NRP2: variants seen among roughly 807,000 people sequenced by gnomAD.
The protein encoded by NRP2 is neuropilin-2.
A neutral mutation model predicts 110.4 loss-of-function variants in NRP2; 52 were observed. That is an observed-to-expected ratio of 0.47 (90% CI 0.38 to 0.59). The LOEUF is 0.59. NRP2 is among the 20% of genes least tolerant of loss of function. The pLI is 0.00. For synonymous variants in NRP2, 508 were observed against 468.9 expected (o/e 1.08, Z -1.08); for missense variants, 1,049 against 1,203.0 (o/e 0.87, Z 1.89).
intron 10 of NRP2, among the ~76,000 whole-genome samples, chr2:205,749,425 T>C (rs2057600438): frequency 6.6e-6 from 1 of 152,222 alleles, no homozygotes; most frequent in Non-Finnish European, 1.5e-5. Flanking sequence ...GCGTCGCCTG[T>C]AGCCCCCTCC....
Position 205,763,933 on chromosome 2 carries a change from C to T in NRP2, c.2304C>T (p.Tyr768=), listed in dbSNP as rs748031757. Residue 768 remains tyrosine (Y), a synonymous_variant, in exon 13 of 17, where the codon TAC becomes TAT. Coordinates refer to ENST00000357785, the MANE Select transcript of NRP2 (RefSeq NM_003872.3). The surrounding 1 kb of genome is among the most constrained non-coding windows in gnomAD (Gnocchi z 4.0). ...RIILPSYDME[Y]QIVFEGVIGK... ...TCCTGCCCAGCTACGACATGGAGTA[C>T]CAGGTGGGGTGAGCAAAAAGGGAAT... 2.5e-6 allele frequency: 4 copies of T among 1,613,994 alleles called. No individual in the cohort carries two copies. The South Asian group carries it at 3.3e-5, about 13-fold the overall frequency.
At chr2:205,700,660 T>A in intron 2 of NRP2, 1 of 517,026 alleles carries the variant, frequency 1.9e-6, no homozygotes, top group Non-Finnish European at 3.9e-6. Flanking sequence ...AAACCCCAGA[T>A]AGACCTTTTC....
At chr2:205,777,875 T>A (rs2058123958) in intron 15 of NRP2, 1 of 152,186 alleles carries the variant, frequency 6.6e-6, no homozygotes, top group Non-Finnish European at 1.5e-5. Flanking sequence ...AAATAGACCC[T>A]TGTAGGCTGG....
rs764713039 is a variant in NRP2 at position 205,794,765 on chromosome 2, G to T, written c.2488G>T (p.Val830Leu). The T allele has an allele frequency of 4.3e-6, 7 of 1,614,046 alleles. No homozygotes were observed. Among genetic ancestry groups the T allele is most frequent in the African/African-American group, 1.3e-5 (1 of 74,918 alleles). The change falls in exon 17 of 17, where the codon GTG (valine) becomes TTG (leucine). Residue 830 changes from valine (V) to leucine (L), a missense_variant. Coordinates refer to ENST00000357785, the MANE Select transcript of NRP2 (RefSeq NM_003872.3). ...YEDEIDDEYE[V>L]DWSNSSSATS... ...TTTATGTATCGCAGATGAATACGAG[G>T]TGGACTGGAGCAATTCTTCTTCTGC...
At chr2:205,774,943 A>G (rs1487367381) in intron 15 of NRP2, among the ~76,000 whole-genome samples, 1 of 152,060 alleles carries the variant, frequency 6.6e-6, no homozygotes, top group Non-Finnish European at 1.5e-5. Flanking sequence ...TGGGTAGTGT[A>G]AGGAGGCATG....
At chr2:205,794,123 T>G (rs2058329806) in intron 16 of NRP2, among the ~76,000 whole-genome samples, 1 of 152,182 alleles carries the variant, frequency 6.6e-6, no homozygotes, top group South Asian at 2.1e-4. Flanking sequence ...TTTATTTATT[T>G]TTTTGGAGAC....
At chr2:205,723,099 A>T (rs961832246) in intron 4 of NRP2, among the ~76,000 whole-genome samples, 1 of 152,352 alleles carries the variant, frequency 6.6e-6, no homozygotes, top group East Asian at 1.9e-4. Context: ...GTGCAACCTT[A>T]GACAAATCCC....
Position 205,765,518 on chromosome 2 carries a change from T to C in NRP2, c.2352T>C (p.Ile784=), listed in dbSNP as rs1266062332. The C allele has an allele frequency of 6.2e-7, 1 of 1,614,180 alleles. No individual in the cohort carries two copies. Among genetic ancestry groups the C allele is most frequent in the South Asian group, 1.1e-5 (1 of 91,084 alleles). Residue 784 remains isoleucine (I), a synonymous_variant, in exon 14 of 17, where the codon ATT becomes ATC. Coordinates refer to ENST00000357785, the MANE Select transcript of NRP2 (RefSeq NM_003872.3). ...TAGGGAAAGGACGTTCCGGAGAGAT[T>C]GCCATTGATGACATTCGGATAAGCA... ...GVIGKGRSGE[I]AIDDIRISTD...
Position 205,752,891 on chromosome 2 carries a change from C to T in NRP2, c.1960C>T (p.Pro654Ser), listed in dbSNP as rs2057672326. The T allele has an allele frequency of 3.1e-6, 5 of 1,614,102 alleles. No individual in the cohort carries two copies. Among genetic ancestry groups the T allele is most frequent in the Non-Finnish European group, 4.2e-6 (5 of 1,180,042 alleles). Reference sequence around the variant, plus strand: ...TTGCAACTTCGATTTCCTCGAGGAGCCCTGTGGTTGGATGTATGACCATGC... The same window carrying T: ...TTGCAACTTCGATTTCCTCGAGGAGTCCTGTGGTTGGATGTATGACCATGC... ...FNCNFDFLEE[P>S]CGWMYDHAKW... Residue 654 changes from proline (P) to serine (S), a missense_variant, in exon 12 of 17, where the codon CCC becomes TCC. Coordinates refer to ENST00000357785, the MANE Select transcript of NRP2 (RefSeq NM_003872.3).
At chr2:205,707,502 T>G (rs2056704379) in intron 2 of NRP2, among the ~76,000 whole-genome samples, 1 of 152,182 alleles carries the variant, frequency 6.6e-6, no homozygotes, top group Non-Finnish European at 1.5e-5. Context: ...GGGAGGCCCA[T>G]CACACCTGCC....
chr2:205,726,066 A>C lies in NRP2; in HGVS notation c.974A>C (p.Asn325Thr), dbSNP rs531379014. The change falls in exon 6 of 17, where the codon AAC (asparagine) becomes ACC (threonine). Residue 325 changes from asparagine to threonine, a missense_variant. Coordinates refer to ENST00000357785, the MANE Select transcript of NRP2 (RefSeq NM_003872.3). ...DNGWTPNLDSNKEYLQVDLRF... is the reference protein window; with the variant it reads ...DNGWTPNLDSTKEYLQVDLRF... The stretch of plus-strand genomic sequence containing the variant: ...GGCTGGACCCCCAACTTGGATTCCA[A>C]CAAGGAGTATCTCCAGGTACTTGTG... The C allele has an allele frequency of 6.2e-7, 1 of 1,614,230 alleles. No individual in the cohort carries two copies. Among genetic ancestry groups the C allele is most frequent in the South Asian group, 1.1e-5 (1 of 91,080 alleles).
intron 12 of NRP2, chr2:205,761,603 G>A (rs1449699346): frequency 6.6e-6 from 1 of 152,254 alleles, no homozygotes; most frequent in Non-Finnish European, 1.5e-5. Flanking sequence ...GGTTCAGGGA[G>A]TGGAGAATTA....
intron 16 of NRP2, among the ~76,000 whole-genome samples, chr2:205,794,293 G>A (rs1217441435): frequency 6.6e-6 from 1 of 152,082 alleles, no homozygotes; most frequent in African/African-American, 2.4e-5. Flanking sequence ...TGTATTTTTA[G>A]TAGAGACGGG....
chr2:205,795,588 T>C lies in NRP2; in HGVS notation c.*530T>C, dbSNP rs1013853069. ...CCGTCCAGCTTATCCCATCCTCTGA[T>C]TGTCTTCTGACTTAAGGGATTTACT... On this transcript the variant is annotated 3_prime_UTR_variant, in exon 17 of 17. Transcript: ENST00000357785. The C allele has an allele frequency of 4.6e-5, 7 of 152,668 alleles. No individual in the cohort carries two copies. The highest frequency in any genetic ancestry group is 5.9e-5 in the Non-Finnish European group (4 of 68,082). The allele number at this position is 152,668 out of a possible 1,614,324, so 9.5% of individuals were successfully genotyped here.
intron 7 of NRP2, among the ~76,000 whole-genome samples, chr2:205,732,935 A>G (rs1401425420): frequency 1.3e-5 from 2 of 151,988 alleles, no homozygotes; most frequent in Non-Finnish European, 2.9e-5. Flanking sequence ...TGTGGTAGTA[A>G]TTTTGTTTGT....
intron 15 of NRP2, among the ~76,000 whole-genome samples, chr2:205,772,296 C>A (rs956722718): frequency 1.1e-4 from 16 of 152,224 alleles, no homozygotes; most frequent in Non-Finnish European, 4.4e-5. Context: ...CATAGTGACC[C>A]TATTTGCAGA....
intron 4 of NRP2, among the ~76,000 whole-genome samples, chr2:205,723,398 C>T (rs1203905052): frequency 6.6e-6 from 1 of 152,168 alleles, no homozygotes. Context: ...AATCACAAGA[C>T]TTAGTCAGAA....
rs756251145 is a variant in NRP2 at position 205,763,365 on chromosome 2, G to A, written c.2045-309G>A. ...GAATCTAGAGGGAGAAGAAGGGCAC[G>A]CACACAACCAGCCAAGACATAAGGC... On this transcript the variant is annotated intron_variant, in intron 12 of 16. Transcript: ENST00000357785. The surrounding 1 kb of genome is among the most constrained non-coding windows in gnomAD (Gnocchi z 4.0). Among the ~76,000 whole-genome samples, 3 of 152,048 alleles carry A rather than the reference G, an allele frequency of 2.0e-5. No individual in the cohort carries two copies. Among genetic ancestry groups the A allele is most frequent in the African/African-American group, 4.8e-5 (2 of 41,374 alleles).
chr2:205,738,118 G>C (rs2105858619), intron 7 of NRP2, among the ~76,000 whole-genome samples: 1 of 152,356 alleles, frequency 6.6e-6, no homozygotes, highest in Non-Finnish European at 1.5e-5. Context: ...GACATGCTGT[G>C]TTTCTAAACG....
Sources: allele counts gnomAD v4.1 joint callset (sites outside exome capture counted in the v4.1 genomes callset), GRCh38; gene constraint gnomAD v4.1.1; non-coding constraint Gnocchi (gnomAD v3.1); transcripts MANE v1.5; gene names NCBI Gene and HGNC (gene_info 2026-07-23, HGNC 2026-07-21).